PCDH15: variants seen among roughly 807,000 people sequenced by gnomAD.
PCDH15 encodes protocadherin-15.
A neutral mutation model predicts 178.5 loss-of-function variants in PCDH15; 129 were observed. That is an observed-to-expected ratio of 0.72 (90% CI 0.63 to 0.84). The LOEUF (loss-of-function observed/expected upper bound fraction) is 0.84, where lower values mean the gene tolerates loss of function less well. Ranked by LOEUF, PCDH15 falls within the 40% of genes least tolerant of loss-of-function variation. The pLI is 0.00. For synonymous variants in PCDH15, 800 were observed against 732.0 expected, an observed-to-expected ratio of 1.09 and a Z score of -1.50; for missense variants, 2,230 against 2,099.9, an observed-to-expected ratio of 1.06 and a Z score of -1.21.
At chr10:54,757,863 T>A (rs934062567) in intron 1 of PCDH15, among the ~76,000 whole-genome samples, 1 of 152,088 alleles carries the variant, frequency 6.6e-6, no homozygotes, top group Non-Finnish European at 1.5e-5. Flanking sequence ...CCAAACATCA[T>A]GGGATGCAAG....
intron 2 of PCDH15, among the ~76,000 whole-genome samples, chr10:54,963,543 G>T (rs1838709329): frequency 6.6e-6 from 1 of 152,138 alleles, no homozygotes; most frequent in Admixed American, 6.5e-5. Flanking sequence ...AAGATGTTAA[G>T]ATGATAAGTT....
At chr10:54,526,870 G>C (rs1321779884) in intron 3 of PCDH15, among the ~76,000 whole-genome samples, 1 of 152,080 alleles carries the variant, frequency 6.6e-6, no homozygotes, top group Non-Finnish European at 1.5e-5. Flanking sequence ...ACTGATGCAG[G>C]AATTGCCTAT....
At chr10:54,153,013 A>G (rs1302278344) in intron 14 of PCDH15, 87 bp downstream of exon 14, 1 of 1,422,050 alleles carries the variant, frequency 7.0e-7, no homozygotes, top group African/African-American at 1.4e-5. Context: ...TTTATAGGAT[A>G]AAAGAATACT....
chr10:53,940,662 T>C (rs2085978762), intron 24 of PCDH15, among the ~76,000 whole-genome samples: 1 of 152,188 alleles, frequency 6.6e-6, no homozygotes, highest in Admixed American at 6.5e-5. Context: ...AGGTACTTAA[T>C]ATTTCTTAAG....
chr10:54,622,832 G>A (rs764685112), intron 2 of PCDH15, among the ~76,000 whole-genome samples: 8 of 127,110 alleles, frequency 6.3e-5, no homozygotes, highest in Non-Finnish European at 9.7e-5. Context: ...ACTATCTCTC[G>A]TGTCTGTGAG....
rs1564949059 is a variant in PCDH15, at chr10:54,317,359, G to T, written c.788C>A (p.Pro263Gln). 2 of 1,613,952 alleles carry T rather than the reference G, an allele frequency of 1.2e-6. No homozygotes were observed. Among genetic ancestry groups the T allele is most frequent in the South Asian group, 2.2e-5 (2 of 91,080 alleles). ...CACAAGGACACAAGGAAGAAACATT[G>T]GACCCAAGTCATCTCCATCCAGAAC... ...VDVLDGDDLG[P>Q]MFLPCVLVPN... Residue 263 changes from proline (P) to glutamine (Q), a missense_variant, in exon 8 of 38, where the codon CCA becomes CAA. Pro to Gln is a moderately conservative substitution (Grantham distance 76). Transcript: ENST00000644397.
intron 2 of PCDH15, among the ~76,000 whole-genome samples, chr10:54,934,732 T>C (rs1837862280): frequency 6.6e-6 from 1 of 151,648 alleles, no homozygotes; most frequent in African/African-American, 2.4e-5. Flanking sequence ...TTACTGGGTA[T>C]ATACCCAAAG....
chr10:54,905,461 A>G (rs1003058771), intron 2 of PCDH15, among the ~76,000 whole-genome samples: 2 of 152,152 alleles, frequency 1.3e-5, no homozygotes, highest in African/African-American at 4.8e-5. Flanking sequence ...AAATAGAATC[A>G]TGCATTTATG....
intron 1 of PCDH15, among the ~76,000 whole-genome samples, chr10:55,261,450 T>C (rs1366133704): frequency 1.3e-5 from 2 of 152,196 alleles, no homozygotes; most frequent in Non-Finnish European, 2.9e-5. Context: ...TGAAAACATT[T>C]GATGTCTCAG....
At chr10:53,893,581 G>T (rs1380849892) in intron 26 of PCDH15, among the ~76,000 whole-genome samples, 2 of 152,176 alleles carry the variant, frequency 1.3e-5, no homozygotes. Context: ...TAAAGAAAAT[G>T]TGGTATATAT....
At position 54,225,603 on chromosome 10, in the gene PCDH15, G is replaced by A. The variant is rs146531362; in HGVS notation, c.985+11220C>T. Among the ~76,000 whole-genome samples, 332 of 152,086 alleles carry A rather than the reference G, an allele frequency of 2.2e-3. 1 individual carries two copies. Among genetic ancestry groups the A allele is most frequent in the Middle Eastern group, 0.014 (4 of 294 alleles). ...ATCACTGAAGGAAACTTTCTAAAACGCTACTTTTATTGCCCAATTATCTAG... is the reference window on the plus strand; with the variant it reads ...ATCACTGAAGGAAACTTTCTAAAACACTACTTTTATTGCCCAATTATCTAG... On this transcript the variant is annotated intron_variant, in intron 9 of 37. Transcript: ENST00000644397.
chr10:55,514,144 C>T (rs890560010), intron 2 of PCDH15, among the ~76,000 whole-genome samples: 3 of 151,998 alleles, frequency 2.0e-5, no homozygotes, highest in African/African-American at 7.2e-5. Context: ...TATAATAAAA[C>T]ATTTTAATAT....
At chr10:54,313,166 T>A (rs977350253) in intron 8 of PCDH15, among the ~76,000 whole-genome samples, 3 of 152,120 alleles carry the variant, frequency 2.0e-5, no homozygotes, top group African/African-American at 7.2e-5. Flanking sequence ...CTCCTTTTTT[T>A]ACTGGCAAGA....
chr10:54,574,071 T>A (rs1378375238), intron 2 of PCDH15, among the ~76,000 whole-genome samples: 3 of 152,054 alleles, frequency 2.0e-5, no homozygotes, highest in Admixed American at 2.0e-4. Context: ...TGCCATTGCT[T>A]TTGGTGTTTT....
At chr10:54,045,100 A>C (rs2093629690) in intron 18 of PCDH15, among the ~76,000 whole-genome samples, 1 of 152,134 alleles carries the variant, frequency 6.6e-6, no homozygotes, top group Non-Finnish European at 1.5e-5. Context: ...TTTGGGAATG[A>C]AATTTTTCAG....
intron 2 of PCDH15, among the ~76,000 whole-genome samples, chr10:54,645,377 C>A (rs1020637326): frequency 6.6e-6 from 1 of 151,476 alleles, no homozygotes; most frequent in Non-Finnish European, 1.5e-5. Flanking sequence ...TGAATGAAAC[C>A]TATTACAAGA....
intron 8 of PCDH15, among the ~76,000 whole-genome samples, chr10:54,305,052 C>A (rs997751225): frequency 1.3e-5 from 2 of 152,016 alleles, no homozygotes; most frequent in African/African-American, 4.8e-5. Context: ...AGTGAAGCTG[C>A]AAAACTGCTT....
chr10:54,919,436 CT>C (rs1255656764), intron 2 of PCDH15, among the ~76,000 whole-genome samples: 3 of 152,182 alleles, frequency 2.0e-5, no homozygotes, highest in Non-Finnish European at 4.4e-5. Context: ...TTACTTTCAG[CT>C]GTTCTTTAGG....
At chr10:54,423,945 T>C (rs1332273739) in intron 3 of PCDH15, among the ~76,000 whole-genome samples, 2 of 151,868 alleles carry the variant, frequency 1.3e-5, no homozygotes, top group Non-Finnish European at 2.9e-5. Flanking sequence ...ATTCAGGACA[T>C]AGGCATGGGC....
Sources: gnomAD v4.1 joint callset for allele counts (sites outside exome capture counted in the v4.1 genomes callset) on GRCh38, gnomAD v4.1.1 for gene constraint, MANE v1.5 for transcripts, NCBI Gene and HGNC (gene_info 2026-07-23, HGNC 2026-07-21) for gene names.